TAF4: variants seen among roughly 807,000 people sequenced by gnomAD.
TAF4 encodes TATA-box binding protein associated factor 4, also known as transcription initiation factor TFIID subunit 4.
In TAF4, 9 loss-of-function variants were observed where a neutral mutation model predicts 90.3. The observed-to-expected ratio is 0.10, with a 90% confidence interval of 0.06 to 0.17. The LOEUF (loss-of-function observed/expected upper bound fraction) is 0.17. Among genes scored for constraint, TAF4 ranks in the 10% least tolerant of loss-of-function variants. TAF4 has a pLI of 1.00. For synonymous variants in TAF4, 818 were observed against 638.9 expected, an observed-to-expected ratio of 1.28 and a Z score of -4.23; for missense variants, 1,351 against 1,370.7, an observed-to-expected ratio of 0.99 and a Z score of 0.23.
chr20:62,043,009 TAATA>T (rs978538207), intron 1 of TAF4, among the ~76,000 whole-genome samples: 1 of 152,100 alleles, frequency 6.6e-6, no homozygotes, highest in African/African-American at 2.4e-5. Context: ...GTTTAAAAAG[TAATA>T]AATAATTTTA....
intron 14 of TAF4, among the ~76,000 whole-genome samples, chr20:61,977,384 G>A (rs1361306993): frequency 6.6e-6 from 1 of 152,236 alleles, no homozygotes. Context: ...GATTACGATG[G>A]CATCTTTACA....
At chr20:61,982,505 G>A (rs1173189065) in intron 14 of TAF4, among the ~76,000 whole-genome samples, 17 of 87,864 alleles carry the variant, frequency 1.9e-4, no homozygotes, top group African/African-American at 7.4e-4. Context: ...ACACCCACCT[G>A]AGAAGAAACA....
intron 14 of TAF4, among the ~76,000 whole-genome samples, chr20:61,986,022 CCATCAAA>C: frequency 3.5e-5 from 5 of 142,344 alleles, no homozygotes; most frequent in African/African-American, 1.0e-4. Context: ...ACACCATCCC[CCATCAAA>C]GGAAACACCA....
chr20:62,054,431 G>A (rs771872573), intron 1 of TAF4, among the ~76,000 whole-genome samples: 20 of 152,250 alleles, frequency 1.3e-4, no homozygotes, highest in Non-Finnish European at 2.5e-4. Context: ...AGAGCAAAGC[G>A]GCCTCCATCA....
At chr20:62,027,814 G>C (rs2055883001) in intron 1 of TAF4, among the ~76,000 whole-genome samples, 2 of 152,238 alleles carry the variant, frequency 1.3e-5, no homozygotes, top group Admixed American at 1.3e-4. Flanking sequence ...GGAGGGCACA[G>C]CAGGCATGGC....
At chr20:62,061,190 G>T (rs184045062) in intron 1 of TAF4, among the ~76,000 whole-genome samples, 3 of 152,316 alleles carry the variant, frequency 2.0e-5, no homozygotes, top group Non-Finnish European at 4.4e-5. Context: ...CTCAGGGGTG[G>T]CCGTCTGCAT....
chr20:61,997,831 A>T (rs950890384), intron 13 of TAF4, among the ~76,000 whole-genome samples, 162 bp from the exon 14 acceptor site: 1 of 152,188 alleles, frequency 6.6e-6, no homozygotes, highest in Non-Finnish European at 1.5e-5. Flanking sequence ...TAATCCAAAA[A>T]ATAAGATTTT....
intron 14 of TAF4, among the ~76,000 whole-genome samples, chr20:61,982,148 G>C (rs1217359929): frequency 2.2e-5 from 2 of 92,144 alleles, no homozygotes; most frequent in Non-Finnish European, 4.1e-5. Context: ...CACCCTAGAA[G>C]AGACACCAAA....
chr20:62,013,950 T>TGTGAGA (rs1491288481), intron 2 of TAF4, among the ~76,000 whole-genome samples: 108 of 126,366 alleles, frequency 8.5e-4, no homozygotes, highest in African/African-American at 3.2e-3. Context: ...TGTGTGTGTG[T>TGTGAGA]GAATCCGTGC....
chr20:61,990,814 A>G (rs1193175290), intron 14 of TAF4, among the ~76,000 whole-genome samples: 1 of 152,260 alleles, frequency 6.6e-6, no homozygotes, highest in Admixed American at 6.5e-5. Context: ...ACAGACGCTG[A>G]GGACTCCCGT....
At chr20:61,985,785 G>T (rs185420449) in intron 14 of TAF4, among the ~76,000 whole-genome samples, 52 of 151,776 alleles carry the variant, frequency 3.4e-4, no homozygotes, top group African/African-American at 1.2e-3. Context: ...ACGAGTGTTT[G>T]TGTGTGTGCA....
chr20:62,015,944 G>A (rs982852019), intron 1 of TAF4, among the ~76,000 whole-genome samples: 1 of 151,948 alleles, frequency 6.6e-6, no homozygotes, highest in African/African-American at 2.4e-5. Context: ...CCCCCAAAAC[G>A]CCCCTTTCAA....
intron 1 of TAF4, chr20:62,037,800 A>G: frequency 4.5e-6 from 1 of 220,062 alleles, no homozygotes; most frequent in Non-Finnish European, 9.6e-6. Context: ...TGTTTCTATA[A>G]AGGGACGTCT....
intron 1 of TAF4, among the ~76,000 whole-genome samples, chr20:62,019,199 A>G (rs1041525006): frequency 6.6e-6 from 1 of 152,222 alleles, no homozygotes; most frequent in Non-Finnish European, 1.5e-5. Context: ...GTACAAGAAC[A>G]ATGGAAACCT....
In TAF4 at chr20:62,065,614, C is replaced by A; in HGVS notation, c.197G>T (p.Ser66Ile). 3 of 1,007,714 alleles carry A rather than the reference C, an allele frequency of 3.0e-6. No homozygotes were observed. Among genetic ancestry groups the A allele is most frequent in the African/African-American group, 1.8e-5 (1 of 56,502 alleles). 62.4% of individuals were successfully genotyped at this position (1,007,714 alleles called of 1,614,324 possible). A position where few individuals can be genotyped will look rare whatever the true frequency, so the allele number is the denominator to read the frequency against. The change falls in exon 1 of 15, where the codon AGC becomes ATC. Residue 66 changes from serine (S) to isoleucine (I), a missense_variant. Around this residue, in one of 9 missense-constraint regions of TAF4, gnomAD observed 782 missense variants for 536.6 expected, o/e 1.46. Coordinates refer to ENST00000252996, the MANE Select transcript of TAF4 (RefSeq NM_003185.4). ...GALGNHVVSG[S>I]PAGAAGAGPA... ...CCCTGCGCCCGCGGCTCCGGCCGGG[C>A]TGCCGCTCACAACATGGTTCCCGAG...
chr20:62,019,571 T>C (rs961027819), intron 1 of TAF4, among the ~76,000 whole-genome samples: 2 of 152,188 alleles, frequency 1.3e-5, no homozygotes, highest in African/African-American at 4.8e-5. Flanking sequence ...GAGCCAGCAG[T>C]GGCCACGAGA....
chr20:62,024,038 A>G (rs1299784460), intron 1 of TAF4, among the ~76,000 whole-genome samples: 1 of 152,104 alleles, frequency 6.6e-6, no homozygotes, highest in East Asian at 1.9e-4. Context: ...AGATCACCCC[A>G]CTACACTCCA....
chr20:62,035,042 G>A (rs1057406432), intron 1 of TAF4, among the ~76,000 whole-genome samples: 4 of 152,054 alleles, frequency 2.6e-5, no homozygotes, highest in African/African-American at 9.7e-5. Flanking sequence ...GGATGGTCTC[G>A]ATCCCCTGAC....
chr20:61,982,093 C>A (rs1383609953), intron 14 of TAF4, among the ~76,000 whole-genome samples: 1 of 138,860 alleles, frequency 7.2e-6, no homozygotes, highest in South Asian at 2.6e-4. Flanking sequence ...GACACCAAAC[C>A]CACACAACAC....
Sources: allele counts gnomAD v4.1 joint callset (sites outside exome capture counted in the v4.1 genomes callset), GRCh38; gene constraint gnomAD v4.1.1; regional missense constraint gnomAD v4.1.1; transcripts MANE v1.5; gene names NCBI Gene and HGNC (gene_info 2026-07-23, HGNC 2026-07-21).